ZFHX3: variants seen among roughly 807,000 people sequenced by gnomAD.
ZFHX3 encodes the protein zinc finger homeobox protein 3.
Under a neutral mutation model 279.1 loss-of-function variants are expected in ZFHX3, and 42 were observed. The observed-to-expected ratio is 0.15, with a 90% CI of 0.12 to 0.19. ZFHX3 has a LOEUF of 0.19. Among genes scored for constraint, ZFHX3 ranks in the 10% least tolerant of loss-of-function variants. The pLI is 1.00. For synonymous variants in ZFHX3, 2,293 were observed against 1,957.8 expected, an observed-to-expected ratio of 1.17 and a Z score of -4.52; for missense variants, 4,981 against 4,754.0, an observed-to-expected ratio of 1.05 and a Z score of -1.40.
intron 2 of ZFHX3, among the ~76,000 whole-genome samples, chr16:73,600,071 C>A (rs541353266): frequency 6.6e-6 from 1 of 152,252 alleles, no homozygotes; most frequent in South Asian, 2.1e-4. Flanking sequence ...TGGCACCATG[C>A]CAACATTTTG....
At chr16:73,362,011 T>A (rs1326153931) in intron 3 of ZFHX3, among the ~76,000 whole-genome samples, 2 of 152,188 alleles carry the variant, frequency 1.3e-5, no homozygotes, top group African/African-American at 4.8e-5. Flanking sequence ...TAGGAGCCAA[T>A]TGTCATTTCT....
chr16:72,788,867 G>T lies in ZFHX3; in HGVS notation c.9428-19C>A. The T allele has an allele frequency of 6.6e-7, 1 of 1,515,250 alleles. No homozygotes were observed. Among genetic ancestry groups the T allele is most frequent in the Non-Finnish European group, 8.8e-7 (1 of 1,133,732 alleles). 93.9% of individuals were successfully genotyped at this position (1,515,250 alleles called of 1,614,324 possible). On this transcript the variant is annotated intron_variant, in intron 9 of 9. Coordinates refer to ENST00000268489, the MANE Select transcript of ZFHX3 (RefSeq NM_006885.4). Reference sequence around the variant, plus strand: ...GTTAAAGCTGAAAGGAATGGAGACAGAAATCACCGGTCAGTCTGGGCAGGG... The same window carrying T: ...GTTAAAGCTGAAAGGAATGGAGACATAAATCACCGGTCAGTCTGGGCAGGG...
intron 5 of ZFHX3, among the ~76,000 whole-genome samples, chr16:73,224,928 T>C (rs1189163499): frequency 6.6e-6 from 1 of 152,132 alleles, no homozygotes; most frequent in Non-Finnish European, 1.5e-5. Flanking sequence ...AAGCTGGTTT[T>C]CCTAAACTTC....
At chr16:73,423,691 G>A (rs1464127497) in intron 3 of ZFHX3, among the ~76,000 whole-genome samples, 1 of 152,156 alleles carries the variant, frequency 6.6e-6, no homozygotes, top group African/African-American at 2.4e-5. Flanking sequence ...GCACAATCCT[G>A]TCTCTACTAA....
chr16:73,642,146 T>C (rs1185452595), intron 2 of ZFHX3, among the ~76,000 whole-genome samples: 1 of 152,172 alleles, frequency 6.6e-6, no homozygotes, highest in African/African-American at 2.4e-5. Flanking sequence ...TAATTCCCAG[T>C]CTCTCGTGAA....
At chr16:73,582,527 T>A (rs1360461080) in intron 2 of ZFHX3, among the ~76,000 whole-genome samples, 11 of 151,806 alleles carry the variant, frequency 7.2e-5, no homozygotes. Flanking sequence ...CAGGCTGGAG[T>A]GCAATGGCAT....
At chr16:73,360,536 G>T (rs965110956) in intron 3 of ZFHX3, among the ~76,000 whole-genome samples, 2 of 152,046 alleles carry the variant, frequency 1.3e-5, no homozygotes, top group African/African-American at 4.8e-5. Flanking sequence ...ACAGGGTTTC[G>T]CCATGTTGGC....
intron 3 of ZFHX3, among the ~76,000 whole-genome samples, chr16:73,326,039 T>C (rs949224660): frequency 6.6e-6 from 1 of 152,050 alleles, no homozygotes; most frequent in Non-Finnish European, 1.5e-5. Context: ...GATTGCCAAG[T>C]CATGGAAGTA....
At chr16:73,803,322 T>C (rs1054686796) in intron 1 of ZFHX3, among the ~76,000 whole-genome samples, 1 of 152,180 alleles carries the variant, frequency 6.6e-6, no homozygotes, top group African/African-American at 2.4e-5. Context: ...GTATGTTCAG[T>C]GTTGAGGTAT....
chr16:73,419,227 T>C (rs746043733), intron 3 of ZFHX3, among the ~76,000 whole-genome samples: 4 of 152,210 alleles, frequency 2.6e-5, no homozygotes, highest in Non-Finnish European at 4.4e-5. Flanking sequence ...GGGCAGATAG[T>C]ATGCTAAGTG....
At chr16:72,814,917 C>T (rs1319469575) in intron 5 of ZFHX3, among the ~76,000 whole-genome samples, 2 of 152,066 alleles carry the variant, frequency 1.3e-5, no homozygotes, top group Non-Finnish European at 2.9e-5. Flanking sequence ...TAAAGCAATG[C>T]CATCCTTATA....
At chr16:73,652,993 C>A (rs1329533782) in intron 2 of ZFHX3, among the ~76,000 whole-genome samples, 3 of 151,482 alleles carry the variant, frequency 2.0e-5, no homozygotes, top group African/African-American at 7.3e-5. Flanking sequence ...GACATATCTA[C>A]AAAATAAAGA....
intron 2 of ZFHX3, among the ~76,000 whole-genome samples, chr16:73,550,825 G>T (rs1404099859): frequency 1.3e-5 from 2 of 152,180 alleles, no homozygotes; most frequent in African/African-American, 4.8e-5. Context: ...GGTTTCCAGG[G>T]CAGTCTTCTG....
At chr16:73,412,128 C>A (rs1383358065) in intron 3 of ZFHX3, among the ~76,000 whole-genome samples, 1 of 151,938 alleles carries the variant, frequency 6.6e-6, no homozygotes, top group Non-Finnish European at 1.5e-5. Context: ...GAGTTTGAGA[C>A]CAGCCTGGGT....
chr16:73,381,567 T>C (rs929438042), intron 3 of ZFHX3, among the ~76,000 whole-genome samples: 5 of 152,190 alleles, frequency 3.3e-5, no homozygotes, highest in African/African-American at 4.8e-5. Flanking sequence ...AAGTGATTTA[T>C]TTTTAAAAAA....
intron 4 of ZFHX3, among the ~76,000 whole-genome samples, chr16:73,275,085 A>G (rs943202035): frequency 5.3e-5 from 8 of 152,180 alleles, no homozygotes; most frequent in African/African-American, 1.2e-4. Flanking sequence ...CATTTAGTCT[A>G]TATCACTGTG....
In ZFHX3 at chr16:72,795,846, A is replaced by G; in HGVS notation, c.6836T>C (p.Leu2279Pro). 6.2e-7 allele frequency: 1 copy of G among 1,614,216 alleles called. No individual in the cohort carries two copies. Among genetic ancestry groups the G allele is most frequent in the Non-Finnish European group, 8.5e-7 (1 of 1,180,038 alleles). Residue 2279 changes from leucine to proline, a missense_variant, in exon 9 of 10, where the codon CTG (leucine) becomes CCG (proline). Physicochemically the swap from Leu to Pro is moderately conservative, Grantham distance 98. Coordinates refer to ENST00000268489, the MANE Select transcript of ZFHX3 (RefSeq NM_006885.4). ...CACTATCACTCGGGTTGGAAGGTTC[A>G]GTAAATTAGAGAGTTGCTCAAATTC... Reference protein sequence around the residue: ...DDEFEQLSNLLNLPTRVIVVW... With the variant: ...DDEFEQLSNLPNLPTRVIVVW...
intron 1 of ZFHX3, among the ~76,000 whole-genome samples, chr16:72,977,918 G>A (rs991337778): frequency 1.3e-5 from 2 of 151,906 alleles, no homozygotes; most frequent in Admixed American, 1.3e-4. Context: ...AGGCTGGAGT[G>A]CAGTGGCACG....
chr16:73,178,821 T>C (rs1325712039), intron 5 of ZFHX3, among the ~76,000 whole-genome samples: 1 of 152,028 alleles, frequency 6.6e-6, no homozygotes, highest in African/African-American at 2.4e-5. Flanking sequence ...GACTAGTGAG[T>C]CAGTTCCATC....
Sources: gnomAD v4.1 joint callset for allele counts (sites outside exome capture counted in the v4.1 genomes callset) on GRCh38, gnomAD v4.1.1 for gene constraint, MANE v1.5 for transcripts, NCBI Gene and HGNC (gene_info 2026-07-23, HGNC 2026-07-21) for gene names.